LIPC: variants seen among roughly 807,000 people sequenced by gnomAD.
The protein encoded by LIPC is lipase C, hepatic type.
Under a neutral mutation model 50.7 loss-of-function variants are expected in LIPC, and 44 were observed. The observed-to-expected ratio is 0.87, with a 90% confidence interval of 0.68 to 1.11. The LOEUF (loss-of-function observed/expected upper bound fraction) is 1.11. Among genes scored for constraint, LIPC ranks in the 50% most tolerant of loss-of-function variants. The pLI, the probability that LIPC is intolerant of heterozygous loss-of-function variation, is 0.00. For synonymous variants in LIPC, 271 were observed against 256.4 expected (o/e 1.06, Z -0.54); for missense variants, 697 against 648.2 (o/e 1.08, Z -0.82).
At chr15:58,440,522 A>G (rs776502202) in intron 1 of LIPC, among the ~76,000 whole-genome samples, 1 of 152,244 alleles carries the variant, frequency 6.6e-6, no homozygotes, top group Non-Finnish European at 1.5e-5. Context: ...GTCAGTAGGA[A>G]AGTATATCCC....
chr15:58,505,136 C>G (rs535135449), intron 1 of LIPC, among the ~76,000 whole-genome samples: 1 of 152,204 alleles, frequency 6.6e-6, no homozygotes, highest in Non-Finnish European at 1.5e-5. Flanking sequence ...CTGGGAGAGG[C>G]CAACAGTCCA....
chr15:58,559,769 C>T (rs1894095396), intron 6 of LIPC, among the ~76,000 whole-genome samples: 1 of 151,854 alleles, frequency 6.6e-6, no homozygotes. Flanking sequence ...GAAGCTGGAC[C>T]CTGCATCCAA....
rs538368723 is a variant in LIPC at position 58,489,375 on chromosome 15, C to T, written c.89-48958C>T. ...GTAGAGTTTAACACAAAGCCAGCTA[C>T]GCAGAAGACAGTTATTACTCCAATC... On this transcript the variant is annotated intron_variant, in intron 1 of 8. Transcript: ENST00000299022. 6.0e-4 allele frequency among the ~76,000 whole-genome samples: 91 copies of T among 152,214 alleles called. No homozygotes were observed. The South Asian group carries it at 0.017, about 28-fold the overall frequency.
chr15:58,449,180 C>G (rs1893813271), intron 1 of LIPC, among the ~76,000 whole-genome samples: 1 of 152,204 alleles, frequency 6.6e-6, no homozygotes, highest in Non-Finnish European at 1.5e-5. Flanking sequence ...TCTGCGAGCA[C>G]CCCACGCTCA....
intron 1 of LIPC, among the ~76,000 whole-genome samples, chr15:58,479,631 A>C (rs1363317861): frequency 2.6e-5 from 4 of 152,250 alleles, no homozygotes; most frequent in Admixed American, 6.5e-5. Flanking sequence ...TACTGCTTGC[A>C]TCAGGCATGA....
intron 1 of LIPC, chr15:58,497,587 C>T (rs942898654): frequency 6.6e-6 from 1 of 152,344 alleles, no homozygotes; most frequent in African/African-American, 2.4e-5. Flanking sequence ...TGTGCTCCGC[C>T]GCTCTTCCAA....
intron 6 of LIPC, among the ~76,000 whole-genome samples, chr15:58,556,393 C>G (rs1893953349): frequency 6.6e-6 from 1 of 152,188 alleles, no homozygotes; most frequent in Admixed American, 6.5e-5. Flanking sequence ...ACTTCTAGTT[C>G]TCTTTTTTTT....
chr15:58,556,961 T>C (rs1043769257), intron 6 of LIPC, among the ~76,000 whole-genome samples: 7 of 152,242 alleles, frequency 4.6e-5, no homozygotes, highest in African/African-American at 1.7e-4. Flanking sequence ...CGCTAAATAG[T>C]AGTTATCATA....
chr15:58,525,349 G>A (rs377557919), intron 1 of LIPC, among the ~76,000 whole-genome samples: 6 of 152,112 alleles, frequency 3.9e-5, no homozygotes, highest in East Asian at 3.8e-4. Flanking sequence ...GAATCTTTAC[G>A]GTACGTGTTA....
chr15:58,486,225 C>G (rs1407193516), intron 1 of LIPC, among the ~76,000 whole-genome samples: 1 of 152,200 alleles, frequency 6.6e-6, no homozygotes, highest in African/African-American at 2.4e-5. Context: ...GAGTCCCACT[C>G]CTTGGATGAG....
rs368480899 is a variant in LIPC at position 58,568,779 on chromosome 15, C to T, written c.1452C>T (p.Phe484=). ...LLLRPTQEKI[F]VKCEIKSKTS... is the part of the protein sequence containing the mutation. Reference sequence around the variant, plus strand: ...TTCGCCCAACCCAGGAAAAAATCTTCGTGAAATGTGAAATAAAGTCTAAAA... The same window carrying T: ...TTCGCCCAACCCAGGAAAAAATCTTTGTGAAATGTGAAATAAAGTCTAAAA... Residue 484 remains phenylalanine, a synonymous_variant, in exon 9 of 9, where the codon TTC becomes TTT. Transcript: ENST00000299022. 16 of 1,611,072 alleles carry T rather than the reference C, an allele frequency of 9.9e-6. No homozygotes were observed. The highest frequency in any genetic ancestry group is 6.6e-5 in the South Asian group (6 of 90,888).
intron 1 of LIPC, among the ~76,000 whole-genome samples, chr15:58,476,617 G>A (rs746508776): frequency 6.6e-6 from 1 of 152,202 alleles, no homozygotes; most frequent in Non-Finnish European, 1.5e-5. Context: ...TCACCCTGCC[G>A]GCTGCGTTCC....
At chr15:58,515,533 C>CACACATATATATATATATATATAT (rs147594972) in intron 1 of LIPC, among the ~76,000 whole-genome samples, 8 of 141,688 alleles carry the variant, frequency 5.6e-5, no homozygotes, top group African/African-American at 2.2e-4. Flanking sequence ...TATACACACA[C>CACACATATATATATATATATATAT]ATATATATAT....
chr15:58,470,460 T>C (rs962267438), intron 1 of LIPC, among the ~76,000 whole-genome samples: 13 of 152,180 alleles, frequency 8.5e-5, no homozygotes, highest in African/African-American at 3.1e-4. Context: ...AATTACTCAA[T>C]TGTTAAATGT....
rs747067984 is a variant in LIPC, at chr15:58,545,731, T to A, written c.575-11T>A. 3 of 1,613,234 alleles carry A rather than the reference T, an allele frequency of 1.9e-6. No homozygotes were observed. Among genetic ancestry groups the A allele is most frequent in the Non-Finnish European group, 2.5e-6 (3 of 1,179,284 alleles). On this transcript the variant is annotated splice_polypyrimidine_tract_variant and intron_variant, in intron 4 of 8. Transcript: ENST00000299022. ...GCTCCTGCGTAACCCTTACCCCTGC[T>A]TTCCCATTAGGGCTGGATGCCGCGG...
intron 1 of LIPC, among the ~76,000 whole-genome samples, chr15:58,455,428 A>G (rs1168054388): frequency 6.6e-6 from 1 of 152,210 alleles, no homozygotes; most frequent in Non-Finnish European, 1.5e-5. Context: ...TAGACTTAAG[A>G]GAGCCATAGA....
chr15:58,445,099 G>A (rs1278572901), intron 1 of LIPC, among the ~76,000 whole-genome samples: 1 of 152,220 alleles, frequency 6.6e-6, no homozygotes, highest in Non-Finnish European at 1.5e-5. Flanking sequence ...AGGGTGGGAT[G>A]GGGAGTGGGG....
chr15:58,518,736 C>G (rs544376955), intron 1 of LIPC, among the ~76,000 whole-genome samples: 1 of 152,268 alleles, frequency 6.6e-6, no homozygotes, highest in Non-Finnish European at 1.5e-5. Context: ...TTGTGTGAAT[C>G]TACTAACTCG....
chr15:58,482,134 T>G (rs1373752222), intron 1 of LIPC, among the ~76,000 whole-genome samples: 1 of 152,174 alleles, frequency 6.6e-6, no homozygotes, highest in East Asian at 1.9e-4. Flanking sequence ...GATGATGAAG[T>G]CACATGCACA....
Sources: allele counts gnomAD v4.1 joint callset (sites outside exome capture counted in the v4.1 genomes callset), GRCh38; gene constraint gnomAD v4.1.1; transcripts MANE v1.5; gene names NCBI Gene and HGNC (gene_info 2026-07-23, HGNC 2026-07-21).